The following MAGI2 variants were observed in gnomAD, a reference collection of about 807,000 sequenced individuals.
The protein encoded by MAGI2 is membrane-associated guanylate kinase, WW and PDZ domain-containing protein 2.
In MAGI2, 35 loss-of-function variants were observed where a neutral mutation model predicts 133.3. The ratio of observed to expected loss-of-function variants is 0.26; its 90% CI spans 0.20 to 0.35. The LOEUF (loss-of-function observed/expected upper bound fraction) is 0.35. Ranked by LOEUF, MAGI2 falls within the 10% of genes least tolerant of loss-of-function variation. The probability of loss-of-function intolerance (pLI) is 1.00; values close to 1 mark genes in which losing one functional copy is unlikely to be tolerated. For missense variants in MAGI2, 1,636 were observed against 1,863.4 expected (o/e 0.88, Z 2.25); for synonymous variants, 729 against 710.6 (o/e 1.03, Z -0.41).
intron 1 of MAGI2, among the ~76,000 whole-genome samples, chr7:79,348,684 A>T (rs983595227): frequency 6.6e-6 from 1 of 151,806 alleles, no homozygotes; most frequent in Non-Finnish European, 1.5e-5. Context: ...TGGCCATCAG[A>T]GAAAATCAAC....
chr7:78,217,502 T>C (rs1191340245), intron 10 of MAGI2, among the ~76,000 whole-genome samples: 1 of 152,222 alleles, frequency 6.6e-6, no homozygotes, highest in Non-Finnish European at 1.5e-5. Flanking sequence ...AGTTTGTCAT[T>C]GAAATGGCAA....
At chr7:79,342,956 G>T (rs1469062815) in intron 1 of MAGI2, among the ~76,000 whole-genome samples, 1 of 151,780 alleles carries the variant, frequency 6.6e-6, no homozygotes, top group Non-Finnish European at 1.5e-5. Flanking sequence ...TAGAAAGGGG[G>T]TTTCACCATG....
chr7:78,452,008 T>C (rs556670616), intron 6 of MAGI2, among the ~76,000 whole-genome samples: 2 of 152,228 alleles, frequency 1.3e-5, no homozygotes, highest in South Asian at 4.2e-4. Context: ...CAAGATCTGG[T>C]TGAATCCTGA....
intron 11 of MAGI2, among the ~76,000 whole-genome samples, chr7:78,196,611 T>C (rs998367427): frequency 6.6e-6 from 1 of 152,104 alleles, no homozygotes; most frequent in African/African-American, 2.4e-5. Flanking sequence ...TGAGGTGCCA[T>C]ATACTCCAGT....
chr7:79,270,414 ACTGAGAGAAG>A (rs1252970138), intron 1 of MAGI2, among the ~76,000 whole-genome samples: 2 of 152,160 alleles, frequency 1.3e-5, no homozygotes, highest in African/African-American at 4.8e-5. Flanking sequence ...CAGTTTCCTA[ACTGAGAGAAG>A]TCATTCCAGA....
At chr7:78,770,336 C>G (rs1825454202) in intron 2 of MAGI2, among the ~76,000 whole-genome samples, 1 of 152,180 alleles carries the variant, frequency 6.6e-6, no homozygotes, top group Non-Finnish European at 1.5e-5. Context: ...AAAACACACT[C>G]TGCTGGAAGA....
intron 20 of MAGI2, among the ~76,000 whole-genome samples, chr7:78,110,777 C>A (rs567418252): frequency 6.6e-6 from 1 of 152,250 alleles, no homozygotes; most frequent in South Asian, 2.1e-4. Flanking sequence ...ACAGCCAGAG[C>A]TAGGAAGCAG....
At chr7:79,321,046 T>A (rs1389181805) in intron 1 of MAGI2, among the ~76,000 whole-genome samples, 1 of 152,166 alleles carries the variant, frequency 6.6e-6, no homozygotes, top group African/African-American at 2.4e-5. Flanking sequence ...GGAGTCATTA[T>A]TGAATTTCTG....
intron 2 of MAGI2, among the ~76,000 whole-genome samples, chr7:78,847,329 G>C (rs1414974766): frequency 2.0e-5 from 3 of 151,878 alleles, no homozygotes; most frequent in Non-Finnish European, 2.9e-5. Context: ...GCACATAAAT[G>C]ATCACTCCAT....
At chr7:79,048,029 A>G (rs2116962960) in intron 1 of MAGI2, among the ~76,000 whole-genome samples, 1 of 152,334 alleles carries the variant, frequency 6.6e-6, no homozygotes, top group African/African-American at 2.4e-5. Flanking sequence ...AAGGTGAAAC[A>G]CTGTCAAAGC....
At chr7:79,189,830 A>G (rs75588042) in intron 1 of MAGI2, among the ~76,000 whole-genome samples, 7,642 of 151,670 alleles carry the variant, frequency 0.05, 445 homozygotes, top group East Asian at 0.16. Flanking sequence ...TACTGTCTCC[A>G]GAGTTTTCTC....
intron 1 of MAGI2, among the ~76,000 whole-genome samples, chr7:79,122,172 C>A (rs1017884830): frequency 6.6e-6 from 1 of 152,154 alleles, no homozygotes; most frequent in African/African-American, 2.4e-5. Flanking sequence ...TATTTATACC[C>A]CTCTGCTTTA....
At chr7:78,920,612 T>A (rs1799148511) in intron 2 of MAGI2, among the ~76,000 whole-genome samples, 1 of 152,176 alleles carries the variant, frequency 6.6e-6, no homozygotes, top group Non-Finnish European at 1.5e-5. Flanking sequence ...TGTTACCTAC[T>A]GTGTCTGGTT....
At chr7:79,141,031 C>A (rs892045513) in intron 1 of MAGI2, among the ~76,000 whole-genome samples, 2 of 152,162 alleles carry the variant, frequency 1.3e-5, no homozygotes, top group African/African-American at 2.4e-5. Flanking sequence ...AATTGTCAAA[C>A]TGTCTAATCC....
intron 4 of MAGI2, among the ~76,000 whole-genome samples, chr7:78,509,558 T>C (rs1230214982): frequency 6.6e-6 from 1 of 152,216 alleles, no homozygotes; most frequent in Admixed American, 6.5e-5. Context: ...TCCTTATAAA[T>C]TCTATGGTTC....
chr7:78,728,076 T>A (rs544183228), intron 2 of MAGI2, among the ~76,000 whole-genome samples: 6 of 152,280 alleles, frequency 3.9e-5, no homozygotes, highest in Admixed American at 3.9e-4. Context: ...TGAGTGAAGT[T>A]ATAACTAGAT....
At position 79,135,227 on chromosome 7, in the gene MAGI2, GA is replaced by G. The variant is rs34131037; in HGVS notation, c.302-128022del. Among the ~76,000 whole-genome samples the G allele has an allele frequency of 5.3e-5, 8 of 151,618 alleles. No homozygotes were observed. The East Asian group carries it at 5.8e-4, about 11-fold the overall frequency. ...TTGAGTGAGATAGTAAAAACTGTAG[GA>G]AAAAAAACAGTATCAGGGAAATGGA... On this transcript the variant is annotated intron_variant, in intron 1 of 21. Coordinates refer to ENST00000354212, the MANE Select transcript of MAGI2 (RefSeq NM_012301.4).
intron 2 of MAGI2, among the ~76,000 whole-genome samples, chr7:78,910,504 C>T (rs1467804723): frequency 6.6e-6 from 1 of 152,010 alleles, no homozygotes; most frequent in Non-Finnish European, 1.5e-5. Context: ...AAATAATGGA[C>T]ATATCTCAAA....
At chr7:78,779,186 G>A (rs1184154181) in intron 2 of MAGI2, among the ~76,000 whole-genome samples, 6 of 152,106 alleles carry the variant, frequency 3.9e-5, no homozygotes, top group African/African-American at 1.2e-4. Flanking sequence ...GATTACAGGC[G>A]TAAGCCACCA....
Sources: allele counts gnomAD v4.1 joint callset (sites outside exome capture counted in the v4.1 genomes callset), GRCh38; gene constraint gnomAD v4.1.1; transcripts MANE v1.5; gene names NCBI Gene and HGNC (gene_info 2026-07-23, HGNC 2026-07-21).